DIAPH3: variants seen among roughly 807,000 people sequenced by gnomAD.
The protein encoded by DIAPH3 is protein diaphanous homolog 3.
Under a neutral mutation model 144.3 loss-of-function variants are expected in DIAPH3, and 117 were observed. The observed-to-expected ratio is 0.81, with a 90% CI of 0.70 to 0.95. DIAPH3 has a LOEUF of 0.95. DIAPH3 is among the 40% of genes least tolerant of loss of function. The probability of loss-of-function intolerance (pLI) is 0.00; values close to 1 mark genes in which losing one functional copy is unlikely to be tolerated. For synonymous variants in DIAPH3, 519 were observed against 488.9 expected (o/e 1.06, Z -0.81); for missense variants, 1,421 against 1,412.7 (o/e 1.01, Z -0.09).
intron 9 of DIAPH3, among the ~76,000 whole-genome samples, chr13:59,994,529 A>T (rs534869363): frequency 1.3e-5 from 2 of 151,948 alleles, no homozygotes; most frequent in Non-Finnish European, 2.9e-5. Flanking sequence ...TCCAATGAAG[A>T]TATATCAGTA....
rs1029616724 is a variant in DIAPH3, at chr13:59,878,915, G to A, written c.2607+314C>T. Among the ~76,000 whole-genome samples, 22 of 152,218 alleles carry A rather than the reference G, an allele frequency of 1.4e-4. 1 individual carries two copies. Among genetic ancestry groups the A allele is most frequent in the South Asian group, 1.2e-3 (6 of 4,822 alleles). On this transcript the variant is annotated intron_variant, in intron 21 of 27. Transcript: ENST00000400324. ...ATATATATACAGGTATCTGAACTGA[G>A]TAAGTACGAGTCAGTATTAATAATA...
intron 27 of DIAPH3, among the ~76,000 whole-genome samples, chr13:59,751,843 T>C (rs1188359593): frequency 6.6e-5 from 10 of 152,208 alleles, no homozygotes; most frequent in Admixed American, 6.5e-4. Flanking sequence ...GACATAAAAA[T>C]GGGTTACCTC....
chr13:59,926,180 G>A (rs1343897127), intron 17 of DIAPH3, among the ~76,000 whole-genome samples: 2 of 151,516 alleles, frequency 1.3e-5, no homozygotes, highest in East Asian at 3.9e-4. Flanking sequence ...TAGAGACAGA[G>A]CCCCACTATA....
At chr13:59,892,232 G>T (rs983952863) in intron 20 of DIAPH3, among the ~76,000 whole-genome samples, 2 of 151,934 alleles carry the variant, frequency 1.3e-5, no homozygotes, top group African/African-American at 4.8e-5. Context: ...CTTCTATAAG[G>T]AAGTGGCATT....
intron 14 of DIAPH3, among the ~76,000 whole-genome samples, chr13:59,978,345 G>C (rs781021656): frequency 1.4e-4 from 21 of 151,552 alleles, no homozygotes; most frequent in Non-Finnish European, 2.4e-4. Flanking sequence ...TGACAACTAA[G>C]ACAAAGTTCA....
At chr13:60,046,311 A>G (rs2056062289) in intron 4 of DIAPH3, among the ~76,000 whole-genome samples, 1 of 152,210 alleles carries the variant, frequency 6.6e-6, no homozygotes, top group African/African-American at 2.4e-5. Context: ...AATTACTGTA[A>G]GGATATAAAC....
chr13:59,716,397 G>A (rs147070950), intron 27 of DIAPH3, among the ~76,000 whole-genome samples: 11 of 152,192 alleles, frequency 7.2e-5, no homozygotes, highest in South Asian at 4.2e-4. Flanking sequence ...GGATGGTCTC[G>A]ATCTCCTGAT....
At chr13:59,867,400 A>G (rs1422550589) in intron 21 of DIAPH3, among the ~76,000 whole-genome samples, 2 of 151,962 alleles carry the variant, frequency 1.3e-5, no homozygotes, top group Admixed American at 1.3e-4. Context: ...TAAAGATAGA[A>G]ACCAATTGAT....
Position 59,666,382 on chromosome 13 carries a change from G to C in DIAPH3, c.*202C>G. 4 of 486,022 alleles carry C rather than the reference G, an allele frequency of 8.2e-6. No individual in the cohort carries two copies. The highest frequency in any genetic ancestry group is 3.5e-5 in the South Asian group (1 of 28,390). The allele number at this position is 486,022 out of a possible 1,614,324, so 30.1% of individuals were successfully genotyped here. A position where few individuals can be genotyped will look rare whatever the true frequency, so the allele number is the denominator to read the frequency against. ...CAAAAAAAAAAAAAAAAGGATTAAA[G>C]CCCGGTACAATCTTGAATAAACCAA... On this transcript the variant is annotated 3_prime_UTR_variant, in exon 28 of 28. Coordinates refer to ENST00000400324, the MANE Select transcript of DIAPH3 (RefSeq NM_001042517.2).
intron 27 of DIAPH3, among the ~76,000 whole-genome samples, chr13:59,729,183 G>T (rs558495298): frequency 6.6e-6 from 1 of 152,160 alleles, no homozygotes; most frequent in Non-Finnish European, 1.5e-5. Flanking sequence ...ATAGTCAGTG[G>T]ACTGGGTCAA....
chr13:59,939,835 CGT>C (rs3220859), intron 17 of DIAPH3, among the ~76,000 whole-genome samples: 6,364 of 146,646 alleles, frequency 0.043, 310 homozygotes, highest in African/African-American at 0.13. Flanking sequence ...GAGAATGAGG[CGT>C]GTGTGTGTGT....
At chr13:60,125,394 ATT>A (rs56267083) in intron 2 of DIAPH3, among the ~76,000 whole-genome samples, 22,092 of 95,212 alleles carry the variant, frequency 0.23, 2,199 homozygotes, top group Admixed American at 0.3. Context: ...CACCCAGCTA[ATT>A]TTTTTTTTTT....
chr13:60,105,512 C>T (rs780496360), intron 3 of DIAPH3, among the ~76,000 whole-genome samples: 8 of 152,082 alleles, frequency 5.3e-5, no homozygotes, highest in Non-Finnish European at 1.2e-4. Context: ...GACATTATCC[C>T]CCTGACAAAC....
At chr13:59,920,056 A>G (rs2047433300) in intron 18 of DIAPH3, among the ~76,000 whole-genome samples, 1 of 152,060 alleles carries the variant, frequency 6.6e-6, no homozygotes, top group South Asian at 2.1e-4. Context: ...ATGTACTACA[A>G]ATTAAAAGCA....
chr13:60,108,803 C>T (rs1475890034), intron 3 of DIAPH3, among the ~76,000 whole-genome samples: 1 of 152,044 alleles, frequency 6.6e-6, no homozygotes, highest in East Asian at 1.9e-4. Flanking sequence ...ATGAGATCAA[C>T]TATGACTCCC....
Position 59,879,343 on chromosome 13 carries a change from C to G in DIAPH3, c.2493G>C (p.Lys831Asn), listed in dbSNP as rs1314957803. Residue 831 changes from lysine (K) to asparagine (N), a missense_variant, in exon 21 of 28, where the codon AAG becomes AAC. By Grantham distance (94) the Lys-to-Asn change is moderately conservative (BLOSUM62 0). Transcript: ENST00000400324. The stretch of plus-strand genomic sequence containing the variant: ...GCAACTTGCTAAAGCTTTTGCTCTT[C>G]TTTATCTCTTCGCAGGCAGTACTGA... ...MAVSTACEEI[K>N]KSKSFSKLLE... is the part of the protein sequence containing the mutation. 3 of 1,613,872 alleles carry G rather than the reference C, an allele frequency of 1.9e-6. No individual in the cohort carries two copies. Among genetic ancestry groups the G allele is most frequent in the Non-Finnish European group, 1.7e-6 (2 of 1,179,860 alleles).
chr13:59,880,105 A>G (rs1427136563), intron 20 of DIAPH3, among the ~76,000 whole-genome samples: 1 of 152,164 alleles, frequency 6.6e-6, no homozygotes, highest in Non-Finnish European at 1.5e-5. Flanking sequence ...CCACAAATCT[A>G]TCACATGCCA....
At chr13:60,110,114 C>T (rs2058525965) in intron 3 of DIAPH3, among the ~76,000 whole-genome samples, 1 of 152,144 alleles carries the variant, frequency 6.6e-6, no homozygotes, top group Admixed American at 6.5e-5. Context: ...CAAGTCAGCA[C>T]AGTCTTTCAA....
At chr13:59,833,575 C>T (rs1455763964) in intron 23 of DIAPH3, among the ~76,000 whole-genome samples, 1 of 151,674 alleles carries the variant, frequency 6.6e-6, no homozygotes, top group Admixed American at 6.6e-5. Flanking sequence ...GCAGATCATA[C>T]AATATGATTT....
Sources: gnomAD v4.1 joint callset for allele counts (sites outside exome capture counted in the v4.1 genomes callset) on GRCh38, gnomAD v4.1.1 for gene constraint, MANE v1.5 for transcripts, NCBI Gene and HGNC (gene_info 2026-07-23, HGNC 2026-07-21) for gene names.